The following ALG8 variants were observed in gnomAD, a reference collection of about 807,000 sequenced individuals.
ALG8 encodes dolichyl pyrophosphate Glc1Man9GlcNAc2 alpha-1,3-glucosyltransferase.
Under a neutral mutation model 70.2 loss-of-function variants are expected in ALG8, and 48 were observed. The observed-to-expected ratio is 0.68, with a 90% confidence interval of 0.54 to 0.87. ALG8 has a LOEUF of 0.87. Ranked by LOEUF, ALG8 falls within the 40% of genes least tolerant of loss-of-function variation. The pLI is 0.00. For synonymous variants in ALG8, 234 were observed against 229.0 expected (o/e 1.02, Z -0.20); for missense variants, 572 against 608.7 (o/e 0.94, Z 0.64).
At chr11:78,139,378 CGA>C in intron 1 of ALG8, 114 bp downstream of exon 1, 1 of 1,039,792 alleles carries the variant, frequency 9.6e-7, no homozygotes, top group Non-Finnish European at 1.5e-6. Context: ...GGCAGGATAG[CGA>C]CAAACACGAC....
At chr11:78,114,177 T>C (rs1356393937) in intron 6 of ALG8, 89 bp downstream of exon 6, 3 of 1,565,366 alleles carry the variant, frequency 1.9e-6, no homozygotes, top group Admixed American at 3.4e-5. Flanking sequence ...TCTGCTGTGC[T>C]TCATAAAACC....
intron 1 of ALG8, chr11:78,137,331 C>A (rs948605302): frequency 6.6e-6 from 1 of 152,188 alleles, no homozygotes; most frequent in Admixed American, 6.5e-5. Context: ...TTTGATCTAT[C>A]CAGACCACTA....
At chr11:78,102,365 C>A (rs758681323) in intron 12 of ALG8, among the ~76,000 whole-genome samples, 95 of 152,306 alleles carry the variant, frequency 6.2e-4, no homozygotes, top group Non-Finnish European at 1.1e-3. Flanking sequence ...TTTCAAGATT[C>A]ATTCATGTAG....
chr11:78,101,346 G>A (rs1481201431), intron 12 of ALG8, 151 bp from the exon 13 acceptor site: 2 of 730,968 alleles, frequency 2.7e-6, no homozygotes, highest in African/African-American at 3.5e-5. Context: ...TTCACATTTA[G>A]GGCCAAGTGC....
At position 78,119,059 on chromosome 11, in the gene ALG8, G is replaced by A. The variant is rs118126300; in HGVS notation, c.546+123C>T. The A allele has an allele frequency of 4.7e-3, 3,363 of 716,514 alleles. 10 individuals carry two copies. Among genetic ancestry groups the A allele is most frequent in the Middle Eastern group, 6.9e-3 (18 of 2,594 alleles). The allele number at this position is 716,514 out of a possible 1,614,324, so 44.4% of individuals were successfully genotyped here. A position where few individuals can be genotyped will look rare whatever the true frequency, so the allele number is the denominator to read the frequency against. On this transcript the variant is annotated intron_variant, in intron 5 of 12. Transcript: ENST00000299626. ...TTTGTGAGAAATACCTAATAAAAGT[G>A]TCTATCGCACTTGGCAGCTCAAAAC... is the stretch of plus-strand genomic sequence containing the variant.
intron 5 of ALG8, 64 bp downstream of exon 5, chr11:78,119,118 G>C: frequency 3.1e-6 from 4 of 1,298,434 alleles, no homozygotes; most frequent in Non-Finnish European, 3.3e-6. Context: ...CCACTACACT[G>C]TTCCCTTTAC....
At chr11:78,129,918 C>T (rs757775691) in intron 1 of ALG8, among the ~76,000 whole-genome samples, 5 of 152,030 alleles carry the variant, frequency 3.3e-5, no homozygotes, top group Non-Finnish European at 7.4e-5. Context: ...AATTACACAA[C>T]AACGCACAAA....
chr11:78,113,090 G>A (rs887964527), intron 7 of ALG8, among the ~76,000 whole-genome samples: 2 of 152,172 alleles, frequency 1.3e-5, no homozygotes, highest in Non-Finnish European at 2.9e-5. Context: ...GAAGGGGAGA[G>A]CTGGGAAACT....
intron 1 of ALG8, among the ~76,000 whole-genome samples, chr11:78,130,674 T>C (rs999736852): frequency 6.6e-5 from 10 of 152,198 alleles, no homozygotes; most frequent in Non-Finnish European, 1.5e-4. Flanking sequence ...GGAAGTTTCC[T>C]GTTTCTCCTT....
At chr11:78,132,404 C>A (rs1861343402) in intron 1 of ALG8, among the ~76,000 whole-genome samples, 1 of 152,154 alleles carries the variant, frequency 6.6e-6, no homozygotes, top group Non-Finnish European at 1.5e-5. Context: ...CTCCTTCTGC[C>A]TCCTCCAATC....
At chr11:78,105,834 A>C (rs1169616287) in intron 10 of ALG8, among the ~76,000 whole-genome samples, 2 of 151,400 alleles carry the variant, frequency 1.3e-5, no homozygotes, top group Non-Finnish European at 2.9e-5. Context: ...TCAGCCTCCC[A>C]AGTAGCTGGG....
At chr11:78,113,825 G>C (rs1860424798) in intron 7 of ALG8, 61 bp downstream of exon 7, 12 of 1,318,108 alleles carry the variant, frequency 9.1e-6, no homozygotes, top group Non-Finnish European at 1.2e-5. Flanking sequence ...GGCTTTATTA[G>C]GTTTTCTAAA....
chr11:78,120,656 T>C (rs1453474225), intron 4 of ALG8, among the ~76,000 whole-genome samples: 1 of 152,214 alleles, frequency 6.6e-6, no homozygotes, highest in African/African-American at 2.4e-5. Context: ...ACTTTGCCTT[T>C]TAATATGTGG....
At chr11:78,122,173 A>G (rs564281061) in intron 3 of ALG8, among the ~76,000 whole-genome samples, 1 of 152,290 alleles carries the variant, frequency 6.6e-6, no homozygotes, top group Admixed American at 6.5e-5. Context: ...TCTAAAACAA[A>G]TAATAGATGC....
In ALG8 at chr11:78,102,154, C is replaced by T. The variant is rs76684997; in HGVS notation, c.1350-959G>A. Among the ~76,000 whole-genome samples, 13 of 152,196 alleles carry T rather than the reference C, an allele frequency of 8.5e-5. No individual in the cohort carries two copies. In the East Asian group the frequency reaches 1.5e-3, roughly 18 times the overall value. On this transcript the variant is annotated intron_variant, in intron 12 of 12. Transcript: ENST00000299626. ...TGGTATTAAGTAGATCAATAATATG[C>T]GCCCATCGCCACTATCCACCTTCAA... is the stretch of plus-strand genomic sequence containing the variant.
chr11:78,126,081 C>A (rs1371013072), intron 2 of ALG8, among the ~76,000 whole-genome samples: 1 of 151,626 alleles, frequency 6.6e-6, no homozygotes, highest in Non-Finnish European at 1.5e-5. Flanking sequence ...ATGGCGTGAA[C>A]CTGGGAGGCG....
At chr11:78,122,026 G>T (rs1229221813) in intron 3 of ALG8, among the ~76,000 whole-genome samples, 1 of 152,126 alleles carries the variant, frequency 6.6e-6, no homozygotes, top group Non-Finnish European at 1.5e-5. Flanking sequence ...ATTAGTATAC[G>T]TGGGGGAGTA....
intron 10 of ALG8, among the ~76,000 whole-genome samples, chr11:78,105,077 G>T (rs1026094705): frequency 1.3e-5 from 2 of 152,142 alleles, no homozygotes; most frequent in Non-Finnish European, 2.9e-5. Context: ...AGGACTTGGA[G>T]TTTCATTTCC....
intron 1 of ALG8, among the ~76,000 whole-genome samples, chr11:78,136,075 T>C (rs574176865): frequency 2.0e-5 from 3 of 151,358 alleles, no homozygotes; most frequent in African/African-American, 4.8e-5. Flanking sequence ...GGAGCTGAGA[T>C]GGGAGGATTG....
Sources: gnomAD v4.1 joint callset for allele counts (sites outside exome capture counted in the v4.1 genomes callset) on GRCh38, gnomAD v4.1.1 for gene constraint, MANE v1.5 for transcripts, NCBI Gene and HGNC (gene_info 2026-07-23, HGNC 2026-07-21) for gene names.